Variants in MYO18B observed in about 807,000 individuals in gnomAD.
MYO18B encodes unconventional myosin-XVIIIb.
MYO18B carries 204 observed loss-of-function variants against 273.0 expected under a neutral mutation model. The ratio of observed to expected loss-of-function variants is 0.75; its 90% CI spans 0.67 to 0.84. MYO18B has a LOEUF of 0.84. Ranked by LOEUF, MYO18B falls within the 40% of genes least tolerant of loss-of-function variation. The pLI, the probability that MYO18B is intolerant of heterozygous loss-of-function variation, is 0.00. For synonymous variants in MYO18B, 1,330 were observed against 1,305.7 expected, an observed-to-expected ratio of 1.02 and a Z score of -0.40; for missense variants, 3,212 against 3,287.6, an observed-to-expected ratio of 0.98 and a Z score of 0.56.
At chr22:25,915,976 T>A (rs2146414912) in intron 33 of MYO18B, among the ~76,000 whole-genome samples, 1 of 152,348 alleles carries the variant, frequency 6.6e-6, no homozygotes, top group Middle Eastern at 3.4e-3. Flanking sequence ...TAGATACAAT[T>A]TGCTTGTAAC....
chr22:25,922,599 C>T (rs1427005097), intron 34 of MYO18B, among the ~76,000 whole-genome samples: 1 of 152,160 alleles, frequency 6.6e-6, no homozygotes, highest in Non-Finnish European at 1.5e-5. Context: ...ATGCCTTCGC[C>T]ACCTGCCTTC....
intron 13 of MYO18B, 21 bp downstream of exon 13, chr22:25,823,699 T>C: frequency 6.2e-7 from 1 of 1,613,288 alleles, no homozygotes; most frequent in African/African-American, 1.3e-5. Context: ...GCTGCCTCTT[T>C]GGGTGAGCTG....
rs1331772891 is a variant in MYO18B, at chr22:25,823,585, A to G, written c.2602A>G (p.Thr868Ala). ...GGGCTGCGAGTATGAGGAGCTGAAC[A>G]CGGCCACCTTCAAGCACCACCTTCG... ...ALGCEYEELN[T>A]ATFKHHLRQI... The change falls in exon 13 of 44, where the codon ACG becomes GCG. Residue 868 changes from threonine (T) to alanine (A), a missense_variant. Transcript: ENST00000335473. 1 of 1,613,936 alleles carries G rather than the reference A, an allele frequency of 6.2e-7. No homozygotes were observed. The highest frequency in any genetic ancestry group is 8.5e-7 in the Non-Finnish European group (1 of 1,179,884).
intron 42 of MYO18B, among the ~76,000 whole-genome samples, chr22:26,018,997 T>C (rs924287928): frequency 2.6e-5 from 4 of 152,186 alleles, no homozygotes; most frequent in Non-Finnish European, 5.9e-5. Flanking sequence ...GCACCAGTAT[T>C]GACTGCTGTC....
chr22:25,884,631 C>T (rs993862827), intron 25 of MYO18B: 2 of 152,166 alleles, frequency 1.3e-5, no homozygotes, highest in Admixed American at 6.5e-5. Context: ...AAAACCGAGT[C>T]CATAATCTCT....
intron 22 of MYO18B, among the ~76,000 whole-genome samples, chr22:25,873,260 G>A (rs1211032446): frequency 3.3e-5 from 5 of 152,088 alleles, no homozygotes; most frequent in Non-Finnish European, 7.4e-5. Flanking sequence ...TGCTGCAGAG[G>A]CCATCATCCA....
In MYO18B at chr22:25,955,197, C is replaced by T. The variant is rs765093050; in HGVS notation, c.5989C>T (p.Arg1997Trp). Residue 1997 changes from arginine to tryptophan, a missense_variant, in exon 39 of 44, where the codon CGG (arginine) becomes TGG (tryptophan). Arg to Trp is a moderately radical substitution (Grantham distance 101). Transcript: ENST00000335473. Reference sequence around the variant, plus strand: ...CTCCCAGGTCCTGGTGATCCGGCTTCGGGACAGCCTGATCAAGATGGGGGA... The same window carrying T: ...CTCCCAGGTCCTGGTGATCCGGCTTTGGGACAGCCTGATCAAGATGGGGGA... ...KRFEVLVIRLRDSLIKMGEEL... is the reference protein window; with the variant it reads ...KRFEVLVIRLWDSLIKMGEEL... The T allele has an allele frequency of 3.9e-5, 63 of 1,609,646 alleles. No homozygotes were observed. The highest frequency in any genetic ancestry group is 5.3e-5 in the Non-Finnish European group (62 of 1,177,930).
In MYO18B at chr22:25,909,669, T is replaced by G. The variant is rs548190774; in HGVS notation, c.5259+1237T>G. Among the ~76,000 whole-genome samples, 11 of 152,324 alleles carry G rather than the reference T, an allele frequency of 7.2e-5. No homozygotes were observed. In the South Asian group the frequency reaches 2.1e-3, roughly 29 times the overall value. ...GATGTGACCCAGACTCTCCTGAGGC[T>G]TTTCTCTGGATAGATTTATAAAAGG... On this transcript the variant is annotated intron_variant, in intron 32 of 43. Transcript: ENST00000335473.
intron 34 of MYO18B, 73 bp downstream of exon 34, chr22:25,921,482 C>A: frequency 6.6e-7 from 1 of 1,518,968 alleles, no homozygotes. Context: ...TGCTGTCCCT[C>A]CCAGGTATGA....
intron 41 of MYO18B, among the ~76,000 whole-genome samples, chr22:26,004,215 C>T (rs148491960): frequency 6.6e-5 from 10 of 151,980 alleles, no homozygotes; most frequent in Admixed American, 3.9e-4. Flanking sequence ...GGACCTGTGA[C>T]GACCCCCTCT....
chr22:25,846,465 G>T (rs1008274430), intron 19 of MYO18B, among the ~76,000 whole-genome samples, 182 bp downstream of exon 19: 1 of 152,198 alleles, frequency 6.6e-6, no homozygotes, highest in Admixed American at 6.5e-5. Context: ...ACTTGGCCCT[G>T]GTCACACCCC....
At chr22:25,833,462 G>C (rs191427746) in intron 16 of MYO18B, among the ~76,000 whole-genome samples, 7 of 152,078 alleles carry the variant, frequency 4.6e-5, no homozygotes, top group Non-Finnish European at 5.9e-5. Context: ...GCAGACAGGC[G>C]TTAGTTTGAG....
rs763884000 is a variant in MYO18B, at chr22:25,877,943, G to A, written c.4225-16G>A. 1.7e-5 allele frequency: 27 copies of A among 1,560,522 alleles called. No homozygotes were observed. In the African/African-American group the frequency reaches 3.7e-4, roughly 21 times the overall value. On this transcript the variant is annotated splice_polypyrimidine_tract_variant and intron_variant, in intron 24 of 43. Coordinates refer to ENST00000335473, the MANE Select transcript of MYO18B (RefSeq NM_032608.7). ...CTGGCCTGGAATGGTTTCTGTTCAT[G>A]TGTTTGTTTTTGTAGGAGGAGCTTA...
chr22:25,924,949 C>T, intron 34 of MYO18B, among the ~76,000 whole-genome samples: 1 of 152,068 alleles, frequency 6.6e-6, no homozygotes, highest in East Asian at 1.9e-4. Flanking sequence ...TCAGAAAATC[C>T]TTGCCATAAC....
intron 17 of MYO18B, among the ~76,000 whole-genome samples, chr22:25,841,981 T>C (rs1451128872): frequency 6.6e-6 from 1 of 152,230 alleles, no homozygotes; most frequent in East Asian, 1.9e-4. Flanking sequence ...TGCACAGCTC[T>C]GAAAGCGTCA....
At chr22:25,795,703 C>A (rs1336595396) in intron 11 of MYO18B, among the ~76,000 whole-genome samples, 1 of 152,152 alleles carries the variant, frequency 6.6e-6, no homozygotes, top group Admixed American at 6.5e-5. Context: ...CCTGTGGCGG[C>A]CCAGAAATAT....
chr22:25,944,673 C>A (rs1322440476), intron 34 of MYO18B, among the ~76,000 whole-genome samples: 2 of 151,996 alleles, frequency 1.3e-5, no homozygotes, highest in Non-Finnish European at 2.9e-5. Context: ...TATGATGAAA[C>A]CCCGTCTCTA....
chr22:25,992,577 GC>G, intron 40 of MYO18B, 84 bp downstream of exon 40: 1 of 1,573,626 alleles, frequency 6.4e-7, no homozygotes, highest in Non-Finnish European at 8.7e-7. Flanking sequence ...CCGGGCTGGG[GC>G]CACATTCACT....
rs755370133 is a variant in MYO18B, at chr22:25,770,840, G to A, written c.1580-32G>A. ...CCTCTTCCCCTCCCATCTCCTCCCC[G>A]TTCCCCTTCTCTCTCTGGGATGTCC... On this transcript the variant is annotated intron_variant, in intron 5 of 43. Transcript: ENST00000335473. 75 of 1,492,232 alleles carry A rather than the reference G, an allele frequency of 5.0e-5. No homozygotes were observed. In the Middle Eastern group the frequency reaches 6.8e-4, roughly 14 times the overall value. The allele number at this position is 1,492,232 out of a possible 1,614,324, so 92.4% of individuals were successfully genotyped here.
Sources: allele counts gnomAD v4.1 joint callset (sites outside exome capture counted in the v4.1 genomes callset), GRCh38; gene constraint gnomAD v4.1.1; transcripts MANE v1.5; gene names NCBI Gene and HGNC (gene_info 2026-07-23, HGNC 2026-07-21).